The following TJP2 variants were observed in gnomAD, a reference collection of about 807,000 sequenced individuals.
TJP2 encodes Friedreich ataxia region gene X104 (tight junction protein ZO-2).
TJP2 carries 91 observed loss-of-function variants against 133.1 expected under a neutral mutation model. The observed-to-expected ratio is 0.68, with a 90% CI of 0.58 to 0.81. The LOEUF (loss-of-function observed/expected upper bound fraction) is 0.81, where lower values mean the gene tolerates loss of function less well. Among genes scored for constraint, TJP2 ranks in the 40% least tolerant of loss-of-function variants. The pLI, the probability that TJP2 is intolerant of heterozygous loss-of-function variation, is 0.00. For missense variants in TJP2, 1,541 were observed against 1,565.6 expected, an observed-to-expected ratio of 0.98 and a Z score of 0.26; for synonymous variants, 592 against 583.4, an observed-to-expected ratio of 1.01 and a Z score of -0.21.
chr9:69,123,090 A>G (rs1822218322), intron 1 of TJP2, among the ~76,000 whole-genome samples: 1 of 152,122 alleles, frequency 6.6e-6, no homozygotes, highest in African/African-American at 2.4e-5. Flanking sequence ...TTTGCACATT[A>G]ACGTCTGAGA....
At chr9:69,228,417 C>T (rs1829510696) in intron 9 of TJP2, among the ~76,000 whole-genome samples, 1 of 152,184 alleles carries the variant, frequency 6.6e-6, no homozygotes, top group African/African-American at 2.4e-5. Flanking sequence ...ATCATGCTCA[C>T]ACCTTGGTGA....
chr9:69,143,344 T>C (rs1823085784), intron 1 of TJP2, among the ~76,000 whole-genome samples: 1 of 152,268 alleles, frequency 6.6e-6, no homozygotes, highest in Non-Finnish European at 1.5e-5. Flanking sequence ...TTTTTTCTTG[T>C]TGTTAGCTCA....
intron 2 of TJP2, among the ~76,000 whole-genome samples, chr9:69,160,979 A>G (rs754612876): frequency 6.6e-6 from 1 of 152,156 alleles, no homozygotes; most frequent in Non-Finnish European, 1.5e-5. Context: ...CAGCCAAACC[A>G]TATCAGATGG....
At chr9:69,131,867 C>T (rs1822508758) in intron 1 of TJP2, among the ~76,000 whole-genome samples, 2 of 152,094 alleles carry the variant, frequency 1.3e-5, no homozygotes, top group South Asian at 4.1e-4. Context: ...TCCTGGAATC[C>T]CCAAGACCAC....
At chr9:69,190,949 T>A (rs1424686546) in intron 1 of TJP2, among the ~76,000 whole-genome samples, 1 of 152,264 alleles carries the variant, frequency 6.6e-6, no homozygotes, top group East Asian at 1.9e-4. Context: ...AAATGTTTCC[T>A]GGCTCCTGCC....
intron 1 of TJP2, among the ~76,000 whole-genome samples, chr9:69,133,181 C>T (rs7038833): frequency 0.46 from 70,596 of 152,036 alleles, 16,518 homozygotes; most frequent in East Asian, 0.62. Flanking sequence ...AGCCTGGTCT[C>T]GAACGCTTGA....
chr9:69,197,769 C>G (rs1262392734), intron 1 of TJP2, among the ~76,000 whole-genome samples: 1 of 152,162 alleles, frequency 6.6e-6, no homozygotes, highest in African/African-American at 2.4e-5. Context: ...TGAACTGTTC[C>G]AGATCACAGA....
At chr9:69,137,390 T>A (rs1199704859) in intron 1 of TJP2, among the ~76,000 whole-genome samples, 1 of 150,644 alleles carries the variant, frequency 6.6e-6, no homozygotes, top group Non-Finnish European at 1.5e-5. Context: ...TGTGCAGTGG[T>A]GTGATCACAG....
At chr9:69,240,398 A>G (rs1478021507) in intron 17 of TJP2, among the ~76,000 whole-genome samples, 2 of 152,216 alleles carry the variant, frequency 1.3e-5, no homozygotes, top group Admixed American at 6.5e-5. Context: ...GATGAAGTTC[A>G]TATTTTCCTG....
chr9:69,236,027 G>A lies in TJP2; in HGVS notation c.1781-1G>A. ...CAACAAACGATGCTTTTGTCTTTCAGTGTATAGAGACATCCTGGCTTGTGG... is the reference window on the plus strand; with the variant it reads ...CAACAAACGATGCTTTTGTCTTTCAATGTATAGAGACATCCTGGCTTGTGG... On this transcript the variant is annotated splice_acceptor_variant, in intron 12 of 22. Coordinates refer to ENST00000377245, the MANE Select transcript of TJP2 (RefSeq NM_004817.4). LOFTEE classifies it high-confidence loss of function. 6.2e-7 allele frequency: 1 copy of A among 1,614,100 alleles called. No homozygotes were observed. Among genetic ancestry groups the A allele is most frequent in the Non-Finnish European group, 8.5e-7 (1 of 1,179,948 alleles).
At chr9:69,205,188 G>A in intron 1 of TJP2, 1 of 1,537,292 alleles carries the variant, frequency 6.5e-7, no homozygotes, top group South Asian at 1.2e-5. Context: ...CCCTACATAG[G>A]ATGTGGATCC....
chr9:69,195,099 A>G (rs1450716157), intron 1 of TJP2, among the ~76,000 whole-genome samples: 1 of 147,726 alleles, frequency 6.8e-6, no homozygotes, highest in African/African-American at 2.5e-5. Flanking sequence ...TTAGCTGAGC[A>G]GCTCTAATAA....
chr9:69,136,882 A>G lies in TJP2; in HGVS notation c.-130-14769A>G, dbSNP rs1290979744. On this transcript the variant is annotated intron_variant, in intron 1 of 5. Transcript: ENST00000423935. ...GGATTCACTGGAAACAGATTTGGGAAAGAGCAGGAGGAGAGGGAAGAGGTT... is the reference window on the plus strand; with the variant it reads ...GGATTCACTGGAAACAGATTTGGGAGAGAGCAGGAGGAGAGGGAAGAGGTT... 4.6e-5 allele frequency among the ~76,000 whole-genome samples: 7 copies of G among 152,090 alleles called. No homozygotes were observed. In the East Asian group the frequency reaches 7.7e-4, roughly 17 times the overall value.
intron 16 of TJP2, 54 bp from the exon 17 acceptor site, chr9:69,239,883 A>T: frequency 7.4e-7 from 1 of 1,356,094 alleles, no homozygotes; most frequent in Non-Finnish European, 1.1e-6. Flanking sequence ...AAAGTATTTG[A>T]TGCTATATTA....
At chr9:69,183,174 A>C (rs1825634004) in intron 1 of TJP2, among the ~76,000 whole-genome samples, 1 of 152,214 alleles carries the variant, frequency 6.6e-6, no homozygotes, top group Non-Finnish European at 1.5e-5. Flanking sequence ...ATAAAATTCA[A>C]TGGCATTTAA....
intron 17 of TJP2, among the ~76,000 whole-genome samples, chr9:69,241,116 G>A (rs946086471): frequency 2.6e-5 from 4 of 152,028 alleles, no homozygotes; most frequent in Non-Finnish European, 5.9e-5. Flanking sequence ...CTGTACTTTT[G>A]TACATATTTA....
chr9:69,217,808 T>C (rs775114321), intron 3 of TJP2, among the ~76,000 whole-genome samples: 1 of 152,230 alleles, frequency 6.6e-6, no homozygotes, highest in Non-Finnish European at 1.5e-5. Context: ...TAGGATTCTG[T>C]GATCTCAAAA....
chr9:69,203,676 C>T (rs1245897530), intron 1 of TJP2, among the ~76,000 whole-genome samples: 3 of 136,556 alleles, frequency 2.2e-5, no homozygotes, highest in South Asian at 2.4e-4. Flanking sequence ...TGCAGTGGCC[C>T]GATCTCAGGT....
At chr9:69,137,438 C>G (rs1822826706) in intron 1 of TJP2, among the ~76,000 whole-genome samples, 1 of 151,338 alleles carries the variant, frequency 6.6e-6, no homozygotes, top group Non-Finnish European at 1.5e-5. Context: ...TCACAGCTCA[C>G]TGCAATGTCT....
Sources: allele counts gnomAD v4.1 joint callset (sites outside exome capture counted in the v4.1 genomes callset), GRCh38; gene constraint gnomAD v4.1.1; transcripts MANE v1.5; gene names NCBI Gene and HGNC (gene_info 2026-07-23, HGNC 2026-07-21).